Variants in LRRC61 observed in about 807,000 individuals in gnomAD.
LRRC61 encodes leucine rich repeat containing 61.
A neutral mutation model predicts 15.1 loss-of-function variants in LRRC61; 9 were observed. That is an observed-to-expected ratio of 0.60 (90% CI 0.36 to 1.04). The LOEUF (loss-of-function observed/expected upper bound fraction) is 1.04, where lower values mean the gene tolerates loss of function less well. LRRC61 is among the 50% of genes least tolerant of loss of function. The probability of loss-of-function intolerance (pLI) is 0.01; values close to 1 mark genes in which losing one functional copy is unlikely to be tolerated. For synonymous variants in LRRC61, 173 were observed against 158.6 expected, an observed-to-expected ratio of 1.09 and a Z score of -0.68; for missense variants, 344 against 335.6, an observed-to-expected ratio of 1.03 and a Z score of -0.20.
Position 150,336,909 on chromosome 7 carries a change from C to A in LRRC61, c.48C>A (p.Ile16=). 1 of 1,612,660 alleles carries A rather than the reference C, an allele frequency of 6.2e-7. No individual in the cohort carries two copies. Among genetic ancestry groups the A allele is most frequent in the South Asian group, 1.1e-5 (1 of 90,948 alleles). The change falls in exon 3 of 3, where the codon ATC becomes ATA. Residue 16 remains isoleucine (I), a synonymous_variant. Transcript: ENST00000359623. ...CGGGAGAGGCTGGCGGACTGCAGAT[C>A]ACACCCCAGCTGCTGAAGTCACGCA... The part of the protein sequence containing the change: ...EKPGEAGGLQ[I]TPQLLKSRTG...
In LRRC61 at chr7:150,323,469, C is replaced by A; in HGVS notation, c.-406C>A. The A allele has an allele frequency of 5.0e-6, 2 of 401,634 alleles. No individual in the cohort carries two copies. Among genetic ancestry groups the A allele is most frequent in the South Asian group, 1.7e-5 (1 of 58,242 alleles). The allele number at this position is 401,634 out of a possible 1,614,324, so 24.9% of individuals were successfully genotyped here. A position where few individuals can be genotyped will look rare whatever the true frequency, so the allele number is the denominator to read the frequency against. Reference sequence around the variant, plus strand: ...CGGGCGGCGGGGCTGCGGCTCTTACCTGCCGAGGAGGCGCCGGCTCTGCGG... The same window carrying A: ...CGGGCGGCGGGGCTGCGGCTCTTACATGCCGAGGAGGCGCCGGCTCTGCGG... On this transcript the variant is annotated 5_prime_UTR_variant, in exon 1 of 3. The change creates a new upstream start codon in the 5' untranslated region. Coordinates refer to ENST00000359623, the MANE Select transcript of LRRC61 (RefSeq NM_001142928.2).
At chr7:150,312,236 T>G in the LRRC61 span, among the ~76,000 whole-genome samples, 1 of 152,226 alleles carries the variant, frequency 6.6e-6, no homozygotes, top group African/African-American at 2.4e-5. Context: ...ACCAGTCTTT[T>G]CCAACTCAGG....
chr7:150,314,135 T>C, the LRRC61 span, among the ~76,000 whole-genome samples: 1 of 152,162 alleles, frequency 6.6e-6, no homozygotes, highest in Admixed American at 6.5e-5. Flanking sequence ...CATGTGGCAC[T>C]GGGGCTGTAT....
chr7:150,315,263 A>C, the LRRC61 span, among the ~76,000 whole-genome samples: 2 of 152,088 alleles, frequency 1.3e-5, no homozygotes, highest in Non-Finnish European at 1.5e-5. Flanking sequence ...GAAATTCATT[A>C]AAATTGAACG....
the LRRC61 span, among the ~76,000 whole-genome samples, chr7:150,310,924 C>G: frequency 4.6e-5 from 7 of 152,208 alleles, no homozygotes; most frequent in African/African-American, 1.7e-4. Context: ...ATGTCTTCCC[C>G]TAGTGTTACA....
the LRRC61 span, among the ~76,000 whole-genome samples, chr7:150,311,512 A>G: frequency 6.6e-6 from 1 of 152,202 alleles, no homozygotes; most frequent in Admixed American, 6.5e-5. Flanking sequence ...CGACTCCTCC[A>G]GCTCTATTCA....
chr7:150,336,928 T>C lies in LRRC61; in HGVS notation c.67T>C (p.Ser23Pro). 3 of 1,613,804 alleles carry C rather than the reference T, an allele frequency of 1.9e-6. No homozygotes were observed. Among genetic ancestry groups the C allele is most frequent in the Non-Finnish European group, 2.5e-6 (3 of 1,180,034 alleles). ...GLQITPQLLK[S>P]RTGEFSLESI... ...GCAGATCACACCCCAGCTGCTGAAG[T>C]CACGCACAGGCGAGTTCTCCCTGGA... The change falls in exon 3 of 3, where the codon TCA (serine) becomes CCA (proline). Residue 23 changes from serine (S) to proline (P), a missense_variant. Coordinates refer to ENST00000359623, the MANE Select transcript of LRRC61 (RefSeq NM_001142928.2).
At chr7:150,326,310 C>G (rs540643190) in intron 2 of LRRC61, among the ~76,000 whole-genome samples, 124 of 152,302 alleles carry the variant, frequency 8.1e-4, no homozygotes, top group South Asian at 8.3e-4. Context: ...CAGAGTATAG[C>G]ATTTATGATG....
chr7:150,330,755 G>C lies in LRRC61; in HGVS notation c.-145+4745G>C, dbSNP rs769352786. ...AGATTAGAGTGTCTGAATACTCTTT[G>C]AACTCCCCAAGTCCCCTGCAAAGCC... On this transcript the variant is annotated intron_variant, in intron 2 of 2. Transcript: ENST00000359623. The surrounding 1 kb of genome is among the most constrained non-coding windows in gnomAD (Gnocchi z 4.6). The C allele has an allele frequency of 4.3e-6, 7 of 1,613,238 alleles. 1 individual carries two copies. In the South Asian group the frequency reaches 7.7e-5, roughly 18 times the overall value.
At chr7:150,331,129 T>G in intron 2 of LRRC61, 5 of 1,601,440 alleles carry the variant, frequency 3.1e-6, no homozygotes, top group East Asian at 2.2e-5. Context: ...CATCTTTGCC[T>G]CCCTGAACAG....
rs376071210 is a variant in LRRC61 at position 150,337,678 on chromosome 7, C to T, written c.*37C>T. 8.4e-5 allele frequency: 127 copies of T among 1,513,288 alleles called. 1 individual carries two copies. Among genetic ancestry groups the T allele is most frequent in the Non-Finnish European group, 1.1e-4 (122 of 1,133,668 alleles). The allele number at this position is 1,513,288 out of a possible 1,614,324, so 93.7% of individuals were successfully genotyped here. On this transcript the variant is annotated 3_prime_UTR_variant, in exon 3 of 3. Transcript: ENST00000359623. ...GGCCCAGGACAGCCTGGCAGGTGGC[C>T]TCGCTGCCCCCAGTTCCCCTCTCTG...
At position 150,333,050 on chromosome 7, in the gene LRRC61, C is replaced by G. The variant is rs1468051818; in HGVS notation, c.-144-3668C>G. On this transcript the variant is annotated intron_variant, in intron 2 of 2. Transcript: ENST00000359623. The surrounding 1 kb of genome is among the most constrained non-coding windows in gnomAD (Gnocchi z 4.3). The stretch of plus-strand genomic sequence containing the variant: ...GCGTGACTGTGCTTCCATCCTTGAG[C>G]AGTTGGAACTGTTCTTGGAAGTGGC... 1.3e-5 allele frequency among the ~76,000 whole-genome samples: 2 copies of G among 152,170 alleles called. No homozygotes were observed. The highest frequency in any genetic ancestry group is 2.9e-5 in the Non-Finnish European group (2 of 68,042).
chr7:150,324,510 G>C (rs2373751), intron 1 of LRRC61: 28,285 of 152,294 alleles, frequency 0.19, 3,378 homozygotes, highest in East Asian at 0.29. Context: ...TCAGCCAGCC[G>C]CTGGCTGCCT....
At chr7:150,334,014 G>A (rs1221395214) in intron 2 of LRRC61, 1 of 985,176 alleles carries the variant, frequency 1.0e-6, no homozygotes, top group African/African-American at 1.7e-5. Context: ...GTGTGTTGGA[G>A]GGCAACAGGG....
Position 150,337,427 on chromosome 7 carries a change from C to G in LRRC61, c.566C>G (p.Pro189Arg). The G allele has an allele frequency of 6.2e-7, 1 of 1,605,302 alleles. No homozygotes were observed. Among genetic ancestry groups the G allele is most frequent in the Non-Finnish European group, 8.5e-7 (1 of 1,179,924 alleles). Residue 189 changes from proline to arginine, a missense_variant, in exon 3 of 3, where the codon CCA (proline) becomes CGA (arginine). By Grantham distance (103) the Pro-to-Arg change is moderately radical (BLOSUM62 -2). Transcript: ENST00000359623. ...LDSSLRPSSS[P>R]GPRATEAQPW... ...AGCTCCTTGCGTCCCAGCTCCAGTC[C>G]AGGCCCCAGAGCCACCGAGGCCCAG...
At chr7:150,328,743 G>A (rs769406947) in intron 2 of LRRC61, 25 of 152,242 alleles carry the variant, frequency 1.6e-4, no homozygotes, top group African/African-American at 3.1e-4. Flanking sequence ...ATTTGGAAAC[G>A]TTAAGAATTT....
In LRRC61 at chr7:150,337,113, C is replaced by A; in HGVS notation, c.252C>A (p.Asn84Lys). 6.2e-7 allele frequency: 1 copy of A among 1,612,498 alleles called. No homozygotes were observed. The highest frequency in any genetic ancestry group is 1.3e-5 in the African/African-American group (1 of 75,082). ...AGCTAGCTGTGCTCAATGTCTCCAA[C>A]AATCGGCTGACGGGCCTGGAGCCAC... ...LRQLAVLNVS[N>K]NRLTGLEPLA... is the part of the protein sequence containing the mutation. Residue 84 changes from asparagine (N) to lysine (K), a missense_variant, in exon 3 of 3, where the codon AAC (asparagine) becomes AAA (lysine). By Grantham distance (94) the Asn-to-Lys change is moderately conservative (BLOSUM62 0). Transcript: ENST00000359623.
chr7:150,337,407 C>T lies in LRRC61; in HGVS notation c.546C>T (p.Ser182=), dbSNP rs2129618513. The change falls in exon 3 of 3, where the codon TCC becomes TCT. Residue 182 remains serine, a synonymous_variant. Transcript: ENST00000359623. ...AGCTGTGCCGAGACCTGGACAGCTC[C>T]TTGCGTCCCAGCTCCAGTCCAGGCC... is the stretch of plus-strand genomic sequence containing the variant. ...FYQLCRDLDS[S]LRPSSSPGPR... 1.9e-6 allele frequency: 3 copies of T among 1,605,738 alleles called. No homozygotes were observed. Among genetic ancestry groups the T allele is most frequent in the Non-Finnish European group, 1.7e-6 (2 of 1,179,938 alleles).
chr7:150,330,485 G>A lies in LRRC61; in HGVS notation c.-145+4475G>A, dbSNP rs772340434. On this transcript the variant is annotated intron_variant, in intron 2 of 2. Transcript: ENST00000359623. This position sits in a 1 kb window ranked among gnomAD's most constrained non-coding sequence, Gnocchi z 4.6. ...AGCTGCGCTACCTGCACATCTTCCT[G>A]GAGCAGGTTCACACACACTTTCAGG... 2 of 780,214 alleles carry A rather than the reference G, an allele frequency of 2.6e-6. No homozygotes were observed. The allele number at this position is 780,214 out of a possible 1,614,324, so 48.3% of individuals were successfully genotyped here. A position where few individuals can be genotyped will look rare whatever the true frequency, so the allele number is the denominator to read the frequency against.
Sources: allele counts gnomAD v4.1 joint callset (sites outside exome capture counted in the v4.1 genomes callset), GRCh38; gene constraint gnomAD v4.1.1; non-coding constraint Gnocchi (gnomAD v3.1); transcripts MANE v1.5; gene names NCBI Gene and HGNC (gene_info 2026-07-23, HGNC 2026-07-21).